Variants in LEKR1 observed in about 807,000 individuals in gnomAD.
The protein encoded by LEKR1 is leucine, glutamate and lysine rich 1, also known as protein LEKR1.
A neutral mutation model predicts 72.4 loss-of-function variants in LEKR1; 59 were observed. The observed-to-expected ratio is 0.82, with a 90% CI of 0.66 to 1.01. LEKR1 has a LOEUF of 1.01. Among genes scored for constraint, LEKR1 ranks in the 50% least tolerant of loss-of-function variants. The pLI is 0.00. For missense variants in LEKR1, 728 were observed against 759.2 expected, an observed-to-expected ratio of 0.96 and a Z score of 0.48; for synonymous variants, 257 against 263.2, an observed-to-expected ratio of 0.98 and a Z score of 0.23.
At chr3:156,875,167 T>C (rs1176468828) in intron 3 of LEKR1, among the ~76,000 whole-genome samples, 1 of 152,222 alleles carries the variant, frequency 6.6e-6, no homozygotes, top group Non-Finnish European at 1.5e-5. Flanking sequence ...AAAGTGATCC[T>C]TTTCACTACA....
intron 3 of LEKR1, 104 bp downstream of exon 3, chr3:156,853,086 GTTTATAC>G: frequency 3.6e-6 from 2 of 548,726 alleles, no homozygotes; most frequent in Non-Finnish European, 3.0e-6. Flanking sequence ...ATCAGGTATA[GTTTATAC>G]TTTAATGCAT....
chr3:157,045,284 A>T lies in LEKR1; in HGVS notation c.1669-56A>T, dbSNP rs755921172. ...CAAATTGTATTGTCCGTAACTATCT[A>T]CTTATGTACATTGTTTAAAGCTAAG... is the stretch of plus-strand genomic sequence containing the variant. On this transcript the variant is annotated intron_variant, in intron 12 of 12. Transcript: ENST00000356539. 1.3e-4 allele frequency: 183 copies of T among 1,402,960 alleles called. 1 individual carries two copies. The highest frequency in any genetic ancestry group is 1.3e-3 in the Middle Eastern group (7 of 5,466). The allele number at this position is 1,402,960 out of a possible 1,614,324, so 86.9% of individuals were successfully genotyped here.
At chr3:156,887,250 C>G (rs1244212358) in intron 3 of LEKR1, among the ~76,000 whole-genome samples, 2 of 150,900 alleles carry the variant, frequency 1.3e-5, no homozygotes, top group African/African-American at 4.9e-5. Context: ...AACAGTTGCT[C>G]CTCCCAATTT....
At chr3:156,909,694 T>C (rs1020390968) in intron 3 of LEKR1, among the ~76,000 whole-genome samples, 4 of 151,650 alleles carry the variant, frequency 2.6e-5, no homozygotes, top group Non-Finnish European at 1.5e-5. Context: ...TATCTTTACC[T>C]ATTTTTATGT....
intron 3 of LEKR1, among the ~76,000 whole-genome samples, chr3:156,904,657 A>T (rs1029151844): frequency 1.5e-4 from 22 of 144,590 alleles, no homozygotes; most frequent in African/African-American, 5.3e-4. Flanking sequence ...TCATATAGCA[A>T]ATATATATAT....
intron 3 of LEKR1, among the ~76,000 whole-genome samples, chr3:156,889,055 A>T (rs924056728): frequency 1.3e-5 from 2 of 152,146 alleles, no homozygotes; most frequent in Admixed American, 1.3e-4. Flanking sequence ...AGAATACATT[A>T]TCATTTTCTC....
At chr3:156,829,228 T>G (rs930144940) in intron 1 of LEKR1, 58 bp from the exon 2 acceptor site, 4 of 680,220 alleles carry the variant, frequency 5.9e-6, no homozygotes, top group Admixed American at 5.1e-5. Flanking sequence ...ATAAAGCATC[T>G]TAATTTGAAT....
chr3:156,981,823 C>T (rs754914879), intron 7 of LEKR1, among the ~76,000 whole-genome samples: 7 of 152,218 alleles, frequency 4.6e-5, no homozygotes, highest in Non-Finnish European at 1.0e-4. Context: ...TATATTAATA[C>T]AATTTGTTAG....
At chr3:156,833,821 T>A (rs1331158788) in intron 2 of LEKR1, among the ~76,000 whole-genome samples, 3 of 152,070 alleles carry the variant, frequency 2.0e-5, no homozygotes, top group Non-Finnish European at 4.4e-5. Context: ...AAGTGATAAC[T>A]CAAAAATTTC....
chr3:156,912,426 CCAGCTCCTATGCACT>C (rs1276549676), intron 3 of LEKR1, among the ~76,000 whole-genome samples: 1 of 152,116 alleles, frequency 6.6e-6, no homozygotes, highest in African/African-American at 2.4e-5. Flanking sequence ...TATGTCTCAC[CCAGCTCCTATGCACT>C]GGGCAAGGCA....
intron 7 of LEKR1, among the ~76,000 whole-genome samples, chr3:156,991,730 G>A (rs1731157712): frequency 6.6e-6 from 1 of 152,032 alleles, no homozygotes; most frequent in Non-Finnish European, 1.5e-5. Flanking sequence ...AATTAGAATA[G>A]ATTTTCCTTT....
In LEKR1 at chr3:156,952,823, G is replaced by A. The variant is rs186133490; in HGVS notation, c.745+10109G>A. 2.2e-3 allele frequency among the ~76,000 whole-genome samples: 338 copies of A among 151,570 alleles called. 1 individual carries two copies. Among genetic ancestry groups the A allele is most frequent in the African/African-American group, 7.6e-3 (317 of 41,468 alleles). ...AGCAACCTAAAACATCATGATAGGT[G>A]ACTGGTTAAATAAATTGTGCAGTAT... On this transcript the variant is annotated intron_variant, in intron 6 of 12. Transcript: ENST00000356539.
At chr3:157,009,511 A>G (rs1732726148) in intron 9 of LEKR1, among the ~76,000 whole-genome samples, 1 of 152,094 alleles carries the variant, frequency 6.6e-6, no homozygotes, top group Non-Finnish European at 1.5e-5. Context: ...GAAAATAATG[A>G]TGTATTTTTC....
At chr3:156,845,385 G>T (rs900311348) in intron 2 of LEKR1, among the ~76,000 whole-genome samples, 2 of 151,326 alleles carry the variant, frequency 1.3e-5, no homozygotes, top group African/African-American at 4.8e-5. Context: ...TCATGCTTTT[G>T]GTATTAAATA....
At chr3:156,866,921 TTGA>T (rs1435722579) in intron 3 of LEKR1, among the ~76,000 whole-genome samples, 1 of 152,076 alleles carries the variant, frequency 6.6e-6, no homozygotes, top group African/African-American at 2.4e-5. Flanking sequence ...CAAGTGTTTC[TTGA>T]TGATGATGTT....
In LEKR1 at chr3:156,994,600, G is replaced by A. The variant is rs75400811; in HGVS notation, c.1109+1323G>A. Among the ~76,000 whole-genome samples, 1,102 of 152,126 alleles carry A rather than the reference G, an allele frequency of 7.2e-3. 4 individuals carry two copies. Among genetic ancestry groups the A allele is most frequent in the Non-Finnish European group, 0.012 (801 of 67,982 alleles). On this transcript the variant is annotated intron_variant, in intron 9 of 12. Transcript: ENST00000356539. ...ATAACAATGAAATGTATAAGAGCCA[G>A]GCTTATTAATAAAAAAAGGAATGAT...
chr3:157,044,467 G>GAAGCTTA (rs1335661532), intron 12 of LEKR1, among the ~76,000 whole-genome samples: 1 of 152,162 alleles, frequency 6.6e-6, no homozygotes, highest in Admixed American at 6.5e-5. Context: ...TCACACATTT[G>GAAGCTTA]AAGCTTAAAT....
At chr3:156,885,227 T>C (rs1280902081) in intron 3 of LEKR1, among the ~76,000 whole-genome samples, 1 of 152,212 alleles carries the variant, frequency 6.6e-6, no homozygotes, top group East Asian at 1.9e-4. Context: ...TTTTTACCTT[T>C]CTCTAGTATC....
chr3:156,860,127 G>A (rs753665180), intron 3 of LEKR1, among the ~76,000 whole-genome samples: 4 of 152,064 alleles, frequency 2.6e-5, no homozygotes, highest in Non-Finnish European at 5.9e-5. Flanking sequence ...TGTTTCAGTT[G>A]TAAGGAGGAT....
Sources: allele counts gnomAD v4.1 joint callset (sites outside exome capture counted in the v4.1 genomes callset), GRCh38; gene constraint gnomAD v4.1.1; transcripts MANE v1.5; gene names NCBI Gene and HGNC (gene_info 2026-07-23, HGNC 2026-07-21).